Variants in TMEM33 observed in about 807,000 individuals in gnomAD.
TMEM33 encodes the protein transmembrane protein 33.
TMEM33 carries 16 observed loss-of-function variants against 29.7 expected under a neutral mutation model. That is an observed-to-expected ratio of 0.54 (90% CI 0.36 to 0.82). The LOEUF (loss-of-function observed/expected upper bound fraction) is 0.82, where lower values mean the gene tolerates loss of function less well. Among genes scored for constraint, TMEM33 ranks in the 40% least tolerant of loss-of-function variants. TMEM33 has a pLI of 0.00. For missense variants in TMEM33, 252 were observed against 295.3 expected (o/e 0.85, Z 1.08); for synonymous variants, 112 against 109.4 (o/e 1.02, Z -0.15).
intron 6 of TMEM33, among the ~76,000 whole-genome samples, chr4:41,950,522 T>G (rs1577654693): frequency 6.6e-6 from 1 of 152,146 alleles, no homozygotes; most frequent in African/African-American, 2.4e-5. Flanking sequence ...CTTAGACTGT[T>G]ATGTTCTTAC....
intron 6 of TMEM33, 114 bp downstream of exon 6, chr4:41,949,499 G>A: frequency 1.2e-6 from 1 of 837,966 alleles, no homozygotes; most frequent in Non-Finnish European, 1.8e-6. Context: ...GAAGCAAGCA[G>A]TGTTTTTGTA....
chr4:41,949,534 G>A (rs997159222), intron 6 of TMEM33, 149 bp downstream of exon 6: 1 of 600,672 alleles, frequency 1.7e-6, no homozygotes, highest in Non-Finnish European at 2.8e-6. Context: ...GCCTTAGAAT[G>A]TACTGGGGTT....
Position 41,954,114 on chromosome 4 carries a change from T to A in TMEM33, c.659T>A (p.Met220Lys). 6.2e-7 allele frequency: 1 copy of A among 1,614,042 alleles called. No homozygotes were observed. The highest frequency in any genetic ancestry group is 8.5e-7 in the Non-Finnish European group (1 of 1,179,882). ...ELRIVVEHII[M>K]KPACPLFVRR... Reference sequence around the variant, plus strand: ...AGGATTGTTGTTGAACACATAATAATGAAACCTGCTTGCCCACTGTTTGTG... The same window carrying A: ...AGGATTGTTGTTGAACACATAATAAAGAAACCTGCTTGCCCACTGTTTGTG... The change falls in exon 7 of 7, where the codon ATG (methionine) becomes AAG (lysine). Residue 220 changes from methionine (M) to lysine (K), a missense_variant. Coordinates refer to ENST00000504986, the MANE Select transcript of TMEM33 (RefSeq NM_018126.3).
intron 3 of TMEM33, 94 bp downstream of exon 3, chr4:41,939,477 C>T: frequency 1.5e-6 from 2 of 1,379,314 alleles, no homozygotes; most frequent in East Asian, 2.3e-5. Context: ...TTCCATGAAG[C>T]CTGGGTTTGT....
intron 5 of TMEM33, among the ~76,000 whole-genome samples, chr4:41,948,425 T>C (rs992732265): frequency 2.6e-5 from 4 of 152,130 alleles, no homozygotes. Context: ...GGAAAATGGA[T>C]GTTGCATTTG....
chr4:41,954,029 T>A, intron 6 of TMEM33, 41 bp from the exon 7 acceptor site: 3 of 1,607,978 alleles, frequency 1.9e-6, no homozygotes, highest in Non-Finnish European at 2.6e-6. Context: ...GTGTATTGCT[T>A]TTTCCTTGTG....
Position 41,939,199 on chromosome 4 carries a change from G to T in TMEM33, c.144G>T (p.Leu48Phe). ...CCTCTCCTCTGGTAATTTGCAGGTT[G>T]CATGAAGCAGCAAGCTTTTACCAAC... Reference protein sequence around the residue: ...SALFVLPLLGLHEAASFYQRA... With the variant: ...SALFVLPLLGFHEAASFYQRA... The change falls in exon 3 of 7, where the codon TTG becomes TTT. Residue 48 changes from leucine to phenylalanine, a missense_variant. Leu to Phe is a conservative substitution (Grantham distance 22). Coordinates refer to ENST00000504986, the MANE Select transcript of TMEM33 (RefSeq NM_018126.3). The T allele has an allele frequency of 6.3e-7, 1 of 1,593,552 alleles. No homozygotes were observed. Among genetic ancestry groups the T allele is most frequent in the Non-Finnish European group, 8.5e-7 (1 of 1,173,062 alleles).
Position 41,958,613 on chromosome 4 carries a change from T to C in TMEM33, c.*4414T>C, listed in dbSNP as rs2153128710. Reference sequence around the variant, plus strand: ...GACTTTTGATAGTAATATAAAAGCATATTGAAATTTGTAGATATTATATGA... The same window carrying C: ...GACTTTTGATAGTAATATAAAAGCACATTGAAATTTGTAGATATTATATGA... On this transcript the variant is annotated 3_prime_UTR_variant, in exon 7 of 7. Transcript: ENST00000504986. 6.6e-6 allele frequency: 1 copy of C among 151,894 alleles called. No individual in the cohort carries two copies. The highest frequency in any genetic ancestry group is 6.6e-5 in the Admixed American group (1 of 15,262). 9.4% of individuals were successfully genotyped at this position (151,894 alleles called of 1,614,324 possible).
At chr4:41,950,391 A>G (rs1712985584) in intron 6 of TMEM33, among the ~76,000 whole-genome samples, 1 of 152,176 alleles carries the variant, frequency 6.6e-6, no homozygotes, top group Non-Finnish European at 1.5e-5. Flanking sequence ...AAGAACTTGA[A>G]TTTGAATGCT....
Position 41,956,373 on chromosome 4 carries a change from A to G in TMEM33, c.*2174A>G, listed in dbSNP as rs1713267773. 1 of 152,188 alleles carries G rather than the reference A, an allele frequency of 6.6e-6. No individual in the cohort carries two copies. 9.4% of individuals were successfully genotyped at this position (152,188 alleles called of 1,614,324 possible). On this transcript the variant is annotated 3_prime_UTR_variant, in exon 7 of 7. Transcript: ENST00000504986. ...CGTTTTACATAACTGTAGAACATTT[A>G]TCTAAAGTAAGATATTAGCCCAGAA... is the stretch of plus-strand genomic sequence containing the variant.
intron 6 of TMEM33, among the ~76,000 whole-genome samples, chr4:41,952,900 A>G (rs1713103183): frequency 6.6e-6 from 1 of 152,206 alleles, no homozygotes; most frequent in Non-Finnish European, 1.5e-5. Flanking sequence ...GTGAATAAAT[A>G]TAACTGTCCA....
In TMEM33 at chr4:41,942,613, GACTA is replaced by G. The variant is rs1712591969; in HGVS notation, c.329-1131_329-1128del. On this transcript the variant is annotated intron_variant, in intron 3 of 6. Coordinates refer to ENST00000504986, the MANE Select transcript of TMEM33 (RefSeq NM_018126.3). ...ACAAGTATTTTTGCCATTTGTGATT[GACTA>G]ACAGTCTATATCATTTTGTGGAACT... 2.6e-5 allele frequency among the ~76,000 whole-genome samples: 4 copies of G among 152,034 alleles called. No individual in the cohort carries two copies. The South Asian group carries it at 8.3e-4, about 32-fold the overall frequency.
intron 6 of TMEM33, among the ~76,000 whole-genome samples, chr4:41,949,947 G>A (rs186333943): frequency 1.3e-5 from 2 of 152,268 alleles, no homozygotes; most frequent in East Asian, 3.9e-4. Flanking sequence ...TTTATGTAGA[G>A]CTGTTTTGAC....
At position 41,959,784 on chromosome 4, in the gene TMEM33, G is replaced by A. The variant is rs1713406146; in HGVS notation, c.*5585G>A. ...ATGATGTGTGTATATTGGAACAAATGTAAAAGGGTTACAAAGATTAGAAAC... is the reference window on the plus strand; with the variant it reads ...ATGATGTGTGTATATTGGAACAAATATAAAAGGGTTACAAAGATTAGAAAC... On this transcript the variant is annotated 3_prime_UTR_variant, in exon 7 of 7. Transcript: ENST00000504986. 6.6e-6 allele frequency: 1 copy of A among 152,164 alleles called. No individual in the cohort carries two copies. The highest frequency in any genetic ancestry group is 2.4e-5 in the African/African-American group (1 of 41,444). 9.4% of individuals were successfully genotyped at this position (152,164 alleles called of 1,614,324 possible). A position where few individuals can be genotyped will look rare whatever the true frequency, so the allele number is the denominator to read the frequency against.
rs1712176173 is a variant in TMEM33 at position 41,935,452 on chromosome 4, G to A, written c.-33G>A. The A allele has an allele frequency of 1.3e-6, 2 of 1,595,548 alleles. No individual in the cohort carries two copies. Among genetic ancestry groups the A allele is most frequent in the Non-Finnish European group, 8.5e-7 (1 of 1,170,844 alleles). On this transcript the variant is annotated 5_prime_UTR_variant, in exon 1 of 7. Coordinates refer to ENST00000504986, the MANE Select transcript of TMEM33 (RefSeq NM_018126.3). ...CTCTCCCCTTTCTTCTCTCTTCGCG[G>A]TTGCGGCGTCGCAGACGCTAGTGTG...
At chr4:41,939,054 A>G (rs1712388160) in intron 2 of TMEM33, 142 bp from the exon 3 acceptor site, 1 of 728,870 alleles carries the variant, frequency 1.4e-6, no homozygotes, top group African/African-American at 1.8e-5. Context: ...TGAAGCTATT[A>G]AAACGGTAGA....
intron 6 of TMEM33, among the ~76,000 whole-genome samples, chr4:41,950,436 T>A (rs1309978756): frequency 6.6e-6 from 1 of 152,018 alleles, no homozygotes; most frequent in Non-Finnish European, 1.5e-5. Flanking sequence ...ACTAGGCAGG[T>A]TATTTATTTG....
rs576642933 is a variant in TMEM33 at position 41,955,033 on chromosome 4, A to G, written c.*834A>G. 6.5e-6 allele frequency: 1 copy of G among 152,736 alleles called. No individual in the cohort carries two copies. Among genetic ancestry groups the G allele is most frequent in the Admixed American group, 6.5e-5 (1 of 15,292 alleles). 9.5% of individuals were successfully genotyped at this position (152,736 alleles called of 1,614,324 possible). ...TACCTAGTTCAGAATCTTGACTGCC[A>G]GTTTTCTTGGTTTCTTAGGCTTGAA... On this transcript the variant is annotated 3_prime_UTR_variant, in exon 7 of 7. Coordinates refer to ENST00000504986, the MANE Select transcript of TMEM33 (RefSeq NM_018126.3).
chr4:41,937,620 G>GA (rs1214612811), intron 1 of TMEM33, among the ~76,000 whole-genome samples: 1 of 151,940 alleles, frequency 6.6e-6, no homozygotes, highest in Non-Finnish European at 1.5e-5. Flanking sequence ...AAATTAAATA[G>GA]AAAATGTCAA....
Sources: allele counts gnomAD v4.1 joint callset (sites outside exome capture counted in the v4.1 genomes callset), GRCh38; gene constraint gnomAD v4.1.1; transcripts MANE v1.5; gene names NCBI Gene and HGNC (gene_info 2026-07-23, HGNC 2026-07-21).